SPRED1: variants seen among roughly 807,000 people sequenced by gnomAD.
SPRED1 encodes the protein sprouty-related, EVH1 domain-containing protein 1.
In SPRED1, 18 loss-of-function variants were observed where a neutral mutation model predicts 52.3. The ratio of observed to expected loss-of-function variants is 0.34; its 90% confidence interval spans 0.24 to 0.51. The LOEUF is 0.51. Among genes scored for constraint, SPRED1 ranks in the 20% least tolerant of loss-of-function variants. The pLI is 0.97. For synonymous variants in SPRED1, 155 were observed against 179.7 expected (o/e 0.86, Z 1.10); for missense variants, 485 against 551.0 (o/e 0.88, Z 1.20).
rs1235802888 is a variant in SPRED1 at position 38,356,149 on chromosome 15, C to T, written c.*4485C>T. Reference sequence around the variant, plus strand: ...TGTGAACATTTCCAGTGTGTAGTGTCGTTTGCTTTCTATTTCTGACCTCAA... The same window carrying T: ...TGTGAACATTTCCAGTGTGTAGTGTTGTTTGCTTTCTATTTCTGACCTCAA... On this transcript the variant is annotated 3_prime_UTR_variant, in exon 7 of 7. Coordinates refer to ENST00000299084, the MANE Select transcript of SPRED1 (RefSeq NM_152594.3). 1 of 151,978 alleles carries T rather than the reference C, an allele frequency of 6.6e-6. No individual in the cohort carries two copies. Among genetic ancestry groups the T allele is most frequent in the Non-Finnish European group, 1.5e-5 (1 of 67,946 alleles). The allele number at this position is 151,978 out of a possible 1,614,324, so 9.4% of individuals were successfully genotyped here.
chr15:38,317,869 A>T (rs1179438892), intron 2 of SPRED1, among the ~76,000 whole-genome samples: 1 of 146,296 alleles, frequency 6.8e-6, no homozygotes, highest in Admixed American at 7.0e-5. Flanking sequence ...GACAGTTGGT[A>T]TCTGTCTCTG....
intron 1 of SPRED1, among the ~76,000 whole-genome samples, chr15:38,262,902 C>A (rs1894232065): frequency 6.6e-6 from 1 of 152,178 alleles, no homozygotes; most frequent in Non-Finnish European, 1.5e-5. Flanking sequence ...TAATGAGAGA[C>A]ACCAGGTGAA....
chr15:38,294,621 A>G lies in SPRED1; in HGVS notation c.33-4752A>G, dbSNP rs186060834. ...ATGTATTATAATAGAAAAGAAAGGTATAGAGAGAAGAGAAAGACAGATAAT... is the reference window on the plus strand; with the variant it reads ...ATGTATTATAATAGAAAAGAAAGGTGTAGAGAGAAGAGAAAGACAGATAAT... On this transcript the variant is annotated intron_variant, in intron 1 of 6. Transcript: ENST00000299084. Among the ~76,000 whole-genome samples, 14 of 152,346 alleles carry G rather than the reference A, an allele frequency of 9.2e-5. No homozygotes were observed. The East Asian group carries it at 2.5e-3, about 27-fold the overall frequency.
intron 1 of SPRED1, among the ~76,000 whole-genome samples, chr15:38,288,171 A>G (rs1243306244): frequency 1.3e-5 from 2 of 152,150 alleles, no homozygotes; most frequent in African/African-American, 2.4e-5. Flanking sequence ...CCTGATCACA[A>G]GGGTCAGGGA....
At position 38,351,321 on chromosome 15, in the gene SPRED1, A is replaced by G; in HGVS notation, c.992A>G (p.Glu331Gly). The change falls in exon 7 of 7, where the codon GAA becomes GGA. Residue 331 changes from glutamate (E) to glycine (G), a missense_variant. By Grantham distance (98) the Glu-to-Gly change is moderately conservative. Around this residue, in one of 5 missense-constraint regions of SPRED1, gnomAD observed 205 missense variants for 245.2 expected, o/e 0.84. Transcript: ENST00000299084. ...KKSKRRKEDG[E>G]RSRCVYCQER... ...TCAAAACGAAGAAAAGAGGATGGTG[A>G]ACGTTCTCGCTGCGTATACTGCCAG... The G allele has an allele frequency of 6.2e-7, 1 of 1,614,136 alleles. No homozygotes were observed. Among genetic ancestry groups the G allele is most frequent in the Non-Finnish European group, 8.5e-7 (1 of 1,180,016 alleles).
chr15:38,279,754 GGTA>G (rs1163156253), intron 1 of SPRED1, among the ~76,000 whole-genome samples: 2 of 152,154 alleles, frequency 1.3e-5, no homozygotes, highest in South Asian at 4.2e-4. Flanking sequence ...TAATATTAGT[GGTA>G]GTAGTAGTAG....
chr15:38,281,850 C>T (rs573264722), intron 1 of SPRED1, among the ~76,000 whole-genome samples: 2 of 152,126 alleles, frequency 1.3e-5, no homozygotes, highest in African/African-American at 4.8e-5. Flanking sequence ...TTTTTGACCC[C>T]AATTAATCCT....
rs541441302 is a variant in SPRED1 at position 38,341,741 on chromosome 15, G to C, written c.582+1846G>C. Reference sequence around the variant, plus strand: ...GTATGACTTCATTTTTTTGATATTTGTTGGAACTTGGTTGATGGCCCAGCA... The same window carrying C: ...GTATGACTTCATTTTTTTGATATTTCTTGGAACTTGGTTGATGGCCCAGCA... On this transcript the variant is annotated intron_variant, in intron 5 of 6. Transcript: ENST00000299084. Among the ~76,000 whole-genome samples, 7 of 151,950 alleles carry C rather than the reference G, an allele frequency of 4.6e-5. No individual in the cohort carries two copies. The South Asian group carries it at 1.2e-3, about 27-fold the overall frequency.
At chr15:38,350,887 CA>C in intron 6 of SPRED1, 126 bp from the exon 7 acceptor site, 1 of 1,027,448 alleles carries the variant, frequency 9.7e-7, no homozygotes, top group Non-Finnish European at 1.5e-6. Context: ...GATCTCATCC[CA>C]AAAACATATC....
intron 1 of SPRED1, among the ~76,000 whole-genome samples, chr15:38,295,382 G>A (rs750977546): frequency 1.3e-5 from 2 of 152,198 alleles, no homozygotes; most frequent in Non-Finnish European, 2.9e-5. Flanking sequence ...TTGCTGTACA[G>A]CATGTTGTTG....
chr15:38,289,834 A>G (rs1388398465), intron 1 of SPRED1, among the ~76,000 whole-genome samples: 1 of 152,186 alleles, frequency 6.6e-6, no homozygotes, highest in Non-Finnish European at 1.5e-5. Context: ...ATTTTAGCCC[A>G]GTGTGAAACT....
intron 2 of SPRED1, among the ~76,000 whole-genome samples, chr15:38,316,637 T>C (rs1895486169): frequency 2.0e-5 from 3 of 151,808 alleles, no homozygotes; most frequent in South Asian, 2.1e-4. Flanking sequence ...TACTCCAACC[T>C]GGCCAGATCT....
chr15:38,292,693 C>G (rs1274321627), intron 1 of SPRED1, among the ~76,000 whole-genome samples: 5 of 152,160 alleles, frequency 3.3e-5, no homozygotes, highest in African/African-American at 1.2e-4. Flanking sequence ...CCCCTTGGGT[C>G]CCTCCCACAA....
chr15:38,336,827 G>C (rs571325995), intron 4 of SPRED1, among the ~76,000 whole-genome samples: 2 of 152,026 alleles, frequency 1.3e-5, no homozygotes, highest in South Asian at 4.2e-4. Context: ...CTACACATTG[G>C]GTACAGTGTA....
chr15:38,293,802 C>T (rs868269764), intron 1 of SPRED1, among the ~76,000 whole-genome samples: 31 of 152,106 alleles, frequency 2.0e-4, no homozygotes, highest in African/African-American at 7.0e-4. Flanking sequence ...TTTTGAACTT[C>T]GTATTGGTTC....
At chr15:38,288,015 A>AT (rs1407175643) in intron 1 of SPRED1, among the ~76,000 whole-genome samples, 4 of 152,110 alleles carry the variant, frequency 2.6e-5, no homozygotes, top group African/African-American at 9.7e-5. Flanking sequence ...CTGAGATATG[A>AT]GGTGGTCTTC....
chr15:38,327,348 C>T (rs1895726252), intron 4 of SPRED1, among the ~76,000 whole-genome samples: 2 of 152,268 alleles, frequency 1.3e-5, no homozygotes, highest in African/African-American at 2.4e-5. Flanking sequence ...TTATACTTCT[C>T]TCATCATTGG....
At chr15:38,342,757 G>A (rs1044201553) in intron 5 of SPRED1, among the ~76,000 whole-genome samples, 41 of 152,044 alleles carry the variant, frequency 2.7e-4, no homozygotes, top group Non-Finnish European at 4.9e-4. Context: ...CTATGTATTA[G>A]GTTATGTATT....
intron 2 of SPRED1, 56 bp downstream of exon 2, chr15:38,299,603 G>T: frequency 6.6e-7 from 1 of 1,519,066 alleles, no homozygotes; most frequent in Non-Finnish European, 9.1e-7. Context: ...TCTGTTTAAA[G>T]TTATGATTAG....
Sources: allele counts gnomAD v4.1 joint callset (sites outside exome capture counted in the v4.1 genomes callset), GRCh38; gene constraint gnomAD v4.1.1; regional missense constraint gnomAD v4.1.1; transcripts MANE v1.5; gene names NCBI Gene and HGNC (gene_info 2026-07-23, HGNC 2026-07-21).